The following COBL variants were observed in gnomAD, a reference collection of about 807,000 sequenced individuals.
COBL encodes protein cordon-bleu.
COBL carries 51 observed loss-of-function variants against 98.8 expected under a neutral mutation model. The ratio of observed to expected loss-of-function variants is 0.52; its 90% CI spans 0.41 to 0.65. The LOEUF is 0.65. Ranked by LOEUF, COBL falls within the 30% of genes least tolerant of loss-of-function variation. COBL has a pLI of 0.00. For missense variants in COBL, 1,617 were observed against 1,617.5 expected (o/e 1.00, Z 0.01); for synonymous variants, 634 against 651.7 (o/e 0.97, Z 0.41).
intron 5 of COBL, among the ~76,000 whole-genome samples, chr7:51,149,667 C>T (rs866681195): frequency 3.6e-4 from 55 of 152,218 alleles, no homozygotes; most frequent in African/African-American, 1.0e-3. Context: ...AGTGCAGTGG[C>T]GCAACCTCAG....
At chr7:51,291,010 C>G (rs1800840154) in intron 1 of COBL, among the ~76,000 whole-genome samples, 1 of 152,200 alleles carries the variant, frequency 6.6e-6, no homozygotes, top group South Asian at 2.1e-4. Flanking sequence ...GCACAGTGCC[C>G]ATTCCTGCCA....
In COBL at chr7:51,117,960, T is replaced by C. The variant is rs1227763858; in HGVS notation, c.957+18198A>G. Among the ~76,000 whole-genome samples the C allele has an allele frequency of 3.3e-5, 5 of 152,186 alleles. No homozygotes were observed. In the East Asian group the frequency reaches 7.7e-4, roughly 23 times the overall value. ...TTTAGTTCTTAGCCAGGCTGCTTGG[T>C]ATCTGTCCTTTTCATGCATGGTTCA... On this transcript the variant is annotated intron_variant, in intron 6 of 12. Coordinates refer to ENST00000265136, the MANE Select transcript of COBL (RefSeq NM_015198.5).
chr7:51,160,049 C>G (rs1035000861), intron 5 of COBL, among the ~76,000 whole-genome samples: 2 of 152,136 alleles, frequency 1.3e-5, no homozygotes, highest in East Asian at 1.9e-4. Context: ...CCTGCCACCA[C>G]GTCCAGCTAA....
At chr7:51,152,389 C>T (rs1299155401) in intron 5 of COBL, among the ~76,000 whole-genome samples, 1 of 152,180 alleles carries the variant, frequency 6.6e-6, no homozygotes, top group African/African-American at 2.4e-5. Flanking sequence ...TTAGTTGGTA[C>T]CATGGTTCAC....
chr7:51,080,456 T>C (rs1424395860), intron 7 of COBL, among the ~76,000 whole-genome samples: 2 of 152,236 alleles, frequency 1.3e-5, no homozygotes, highest in South Asian at 4.1e-4. Context: ...GGGTGATGGA[T>C]GAAGCAAAGA....
intron 6 of COBL, among the ~76,000 whole-genome samples, chr7:51,104,440 T>G (rs1159639832): frequency 6.6e-6 from 1 of 152,216 alleles, no homozygotes; most frequent in Non-Finnish European, 1.5e-5. Flanking sequence ...GAGTCTGGTG[T>G]CCACCATTAG....
At chr7:51,075,319 T>G (rs1392348475) in intron 7 of COBL, among the ~76,000 whole-genome samples, 1 of 152,242 alleles carries the variant, frequency 6.6e-6, no homozygotes, top group African/African-American at 2.4e-5. Context: ...TATAAATAGT[T>G]TCTTGATGGT....
intron 1 of COBL, among the ~76,000 whole-genome samples, chr7:51,316,062 C>T (rs1259080772): frequency 3.3e-5 from 5 of 152,200 alleles, no homozygotes; most frequent in African/African-American, 1.2e-4. Flanking sequence ...TCCGAGAACG[C>T]GGGGCCCGGG....
At chr7:51,221,914 G>A (rs1388498481) in intron 1 of COBL, among the ~76,000 whole-genome samples, 2 of 152,248 alleles carry the variant, frequency 1.3e-5, no homozygotes, top group East Asian at 1.9e-4. Context: ...GGGGCCAGGT[G>A]TGGTGGCTCA....
intron 5 of COBL, among the ~76,000 whole-genome samples, chr7:51,150,021 A>G (rs1017159040): frequency 2.0e-5 from 3 of 152,192 alleles, no homozygotes; most frequent in Admixed American, 6.5e-5. Context: ...GGCATTTTCC[A>G]GGGAGATACT....
At chr7:51,230,838 ATCCC>A (rs1179323878) in intron 1 of COBL, among the ~76,000 whole-genome samples, 6 of 152,130 alleles carry the variant, frequency 3.9e-5, no homozygotes, top group Admixed American at 3.3e-4. Context: ...CGTGGGGCAG[ATCCC>A]CTGCTATCCT....
At chr7:51,065,649 C>A (rs1583663158) in intron 7 of COBL, among the ~76,000 whole-genome samples, 1 of 152,242 alleles carries the variant, frequency 6.6e-6, no homozygotes, top group East Asian at 1.9e-4. Context: ...CCCTGTGCAT[C>A]CACCTGGGTA....
At chr7:51,087,162 G>C (rs958795764) in intron 6 of COBL, among the ~76,000 whole-genome samples, 2 of 144,720 alleles carry the variant, frequency 1.4e-5, no homozygotes, top group South Asian at 4.6e-4. Context: ...ACACACACAC[G>C]CACAGACTCA....
chr7:51,219,779 C>G lies in COBL; in HGVS notation c.207G>C (p.Leu69=), dbSNP rs745597524. 6 of 1,614,038 alleles carry G rather than the reference C, an allele frequency of 3.7e-6. No homozygotes were observed. Among genetic ancestry groups the G allele is most frequent in the Admixed American group, 1.7e-5 (1 of 60,002 alleles). The part of the protein sequence containing the change: ...RASTMDVTVV[L]PSGLEKRSVL... ...CGCTCCTCTTCTCCAGCCCACTAGG[C>G]AGGACCACGGTGACGTCCATGGTGC... Residue 69 remains leucine (L), a synonymous_variant, in exon 2 of 13, where the codon CTG becomes CTC. Transcript: ENST00000265136.
intron 1 of COBL, among the ~76,000 whole-genome samples, chr7:51,261,356 G>A (rs1424460089): frequency 6.6e-6 from 1 of 152,168 alleles, no homozygotes; most frequent in Non-Finnish European, 1.5e-5. Context: ...AGAACATAAT[G>A]TGTCAGAGTT....
intron 2 of COBL, among the ~76,000 whole-genome samples, chr7:51,200,597 T>C (rs1791024560): frequency 1.3e-5 from 2 of 152,140 alleles, no homozygotes; most frequent in South Asian, 2.1e-4. Flanking sequence ...GTAAACTCTA[T>C]GGTAACCACA....
At chr7:51,076,947 T>G (rs537860871) in intron 7 of COBL, among the ~76,000 whole-genome samples, 1 of 152,354 alleles carries the variant, frequency 6.6e-6, no homozygotes, top group Admixed American at 6.5e-5. Flanking sequence ...CAAGGTCTGC[T>G]AATTAAAATA....
At chr7:51,241,919 C>T (rs1292505268) in intron 1 of COBL, among the ~76,000 whole-genome samples, 2 of 151,352 alleles carry the variant, frequency 1.3e-5, no homozygotes, top group African/African-American at 4.9e-5. Context: ...GGCCAATTCA[C>T]GCTGACTTCC....
chr7:51,157,676 T>A (rs1166603903), intron 5 of COBL, among the ~76,000 whole-genome samples: 1 of 152,226 alleles, frequency 6.6e-6, no homozygotes, highest in Admixed American at 6.5e-5. Context: ...ATTCTCTAAG[T>A]CAAAATTCAG....
Sources: gnomAD v4.1 joint callset for allele counts (sites outside exome capture counted in the v4.1 genomes callset) on GRCh38, gnomAD v4.1.1 for gene constraint, MANE v1.5 for transcripts, NCBI Gene and HGNC (gene_info 2026-07-23, HGNC 2026-07-21) for gene names.